CADPS: variants seen among roughly 807,000 people sequenced by gnomAD.
CADPS encodes the protein calcium-dependent secretion activator 1.
Under a neutral mutation model 167.3 loss-of-function variants are expected in CADPS, and 57 were observed. That is an observed-to-expected ratio of 0.34 (90% confidence interval 0.28 to 0.42). The LOEUF (loss-of-function observed/expected upper bound fraction) is 0.42, where lower values mean the gene tolerates loss of function less well. Ranked by LOEUF, CADPS falls within the 20% of genes least tolerant of loss-of-function variation. The probability of loss-of-function intolerance (pLI) is 1.00; values close to 1 mark genes in which losing one functional copy is unlikely to be tolerated. For missense variants in CADPS, 1,414 were observed against 1,738.1 expected, an observed-to-expected ratio of 0.81 and a Z score of 3.32; for synonymous variants, 676 against 635.3, an observed-to-expected ratio of 1.06 and a Z score of -0.96.
intron 6 of CADPS, among the ~76,000 whole-genome samples, chr3:62,600,533 A>G (rs1165147121): frequency 6.6e-6 from 1 of 152,186 alleles, no homozygotes; most frequent in Admixed American, 6.5e-5. Flanking sequence ...AGTGTAACTG[A>G]CTAATCTAAA....
chr3:62,632,414 A>G (rs1186674807), intron 6 of CADPS, among the ~76,000 whole-genome samples: 1 of 152,208 alleles, frequency 6.6e-6, no homozygotes, highest in East Asian at 1.9e-4. Context: ...TAGTTACCAA[A>G]TAAATATTAT....
At chr3:62,669,913 A>G (rs2075204981) in intron 3 of CADPS, among the ~76,000 whole-genome samples, 1 of 152,236 alleles carries the variant, frequency 6.6e-6, no homozygotes, top group Admixed American at 6.5e-5. Flanking sequence ...TTAAAGTAGT[A>G]TAGCAGATTT....
rs867402115 is a variant in CADPS, at chr3:62,812,262, A to T, written c.442-46278T>A. 4.6e-5 allele frequency among the ~76,000 whole-genome samples: 7 copies of T among 152,286 alleles called. No individual in the cohort carries two copies. The Middle Eastern group carries it at 0.02, about 444-fold the overall frequency. ...TTTCCTGCATGTGTACATTTTATAC[A>T]ATGTGCATAATTTTACTATATAATC... On this transcript the variant is annotated intron_variant, in intron 1 of 29. Coordinates refer to ENST00000383710, the MANE Select transcript of CADPS (RefSeq NM_003716.4).
intron 1 of CADPS, among the ~76,000 whole-genome samples, chr3:62,806,198 TG>T (rs2094084106): frequency 1.3e-5 from 2 of 152,180 alleles, no homozygotes; most frequent in Admixed American, 6.6e-5. Flanking sequence ...TCAAACTATT[TG>T]GGAGACAAAT....
At chr3:62,773,485 A>G (rs1490869615) in intron 1 of CADPS, among the ~76,000 whole-genome samples, 2 of 151,984 alleles carry the variant, frequency 1.3e-5, no homozygotes, top group African/African-American at 4.8e-5. Flanking sequence ...GAGAATTACG[A>G]TGAGGCTGTT....
chr3:62,559,460 C>T (rs190708972), intron 9 of CADPS, among the ~76,000 whole-genome samples: 2 of 151,808 alleles, frequency 1.3e-5, no homozygotes, highest in African/African-American at 2.4e-5. Flanking sequence ...CTCTGCATGA[C>T]AATGATCATA....
At chr3:62,576,629 G>GAA (rs11445858) in intron 8 of CADPS, among the ~76,000 whole-genome samples, 103,560 of 141,596 alleles carry the variant, frequency 0.73, 40,601 homozygotes, top group Non-Finnish European at 0.85. Flanking sequence ...CATTTCTACT[G>GAA]AAAAAAAAAA....
chr3:62,426,050 T>C (rs1001288048), intron 28 of CADPS, among the ~76,000 whole-genome samples: 1 of 152,234 alleles, frequency 6.6e-6, no homozygotes, highest in African/African-American at 2.4e-5. Context: ...GATCATTTCA[T>C]CACTGGTAAA....
intron 15 of CADPS, among the ~76,000 whole-genome samples, 160 bp downstream of exon 15, chr3:62,516,417 TATC>T (rs1052637906): frequency 6.6e-6 from 1 of 152,172 alleles, no homozygotes; most frequent in African/African-American, 2.4e-5. Flanking sequence ...GAAGATAAAA[TATC>T]AAGAGTTTTG....
chr3:62,437,856 TG>T (rs1456212777), intron 28 of CADPS, among the ~76,000 whole-genome samples: 1 of 152,122 alleles, frequency 6.6e-6, no homozygotes, highest in African/African-American at 2.4e-5. Context: ...GGAATGAGCC[TG>T]CTTGCCGAGA....
intron 3 of CADPS, among the ~76,000 whole-genome samples, chr3:62,735,883 C>T (rs888958740): frequency 2.6e-5 from 4 of 152,180 alleles, no homozygotes; most frequent in African/African-American, 7.2e-5. Context: ...GAACTACTAG[C>T]TCAGGCTTTT....
rs188302541 is a variant in CADPS, at chr3:62,420,622, C to A, written c.3778-17437G>T. Among the ~76,000 whole-genome samples the A allele has an allele frequency of 3.7e-4, 57 of 152,174 alleles. No homozygotes were observed. Among genetic ancestry groups the A allele is most frequent in the Middle Eastern group, 3.4e-3 (1 of 294 alleles). On this transcript the variant is annotated intron_variant, in intron 28 of 29. Coordinates refer to ENST00000383710, the MANE Select transcript of CADPS (RefSeq NM_003716.4). The surrounding 1 kb of genome is among the most constrained non-coding windows in gnomAD (Gnocchi z 4.1). ...AATATTTGGGTGTCCATAGCAACTG[C>A]CCAATTAAGGGAGTCTAGAAAACAG...
At chr3:62,755,198 C>A (rs2083575359) in intron 2 of CADPS, among the ~76,000 whole-genome samples, 1 of 152,154 alleles carries the variant, frequency 6.6e-6, no homozygotes, top group South Asian at 2.1e-4. Context: ...TCCTTCCCTG[C>A]AGGGTTCTCC....
chr3:62,797,737 TA>T (rs1349862526), intron 1 of CADPS, among the ~76,000 whole-genome samples: 2 of 151,906 alleles, frequency 1.3e-5, no homozygotes, highest in African/African-American at 4.8e-5. Context: ...ACCTAGGAGA[TA>T]AAATAATCTG....
At position 62,628,586 on chromosome 3, in the gene CADPS, A is replaced by G. The variant is rs543390517; in HGVS notation, c.1325+17136T>C. Among the ~76,000 whole-genome samples the G allele has an allele frequency of 5.3e-4, 78 of 147,934 alleles. No homozygotes were observed. The East Asian group carries it at 0.015, about 29-fold the overall frequency. Reference sequence around the variant, plus strand: ...CCCTACTGCTTCTACTCCTTTACACACACACACACACTCTCTCTCTCTCCA... The same window carrying G: ...CCCTACTGCTTCTACTCCTTTACACGCACACACACACTCTCTCTCTCTCCA... On this transcript the variant is annotated intron_variant, in intron 6 of 29. Coordinates refer to ENST00000383710, the MANE Select transcript of CADPS (RefSeq NM_003716.4).
At chr3:62,493,554 T>C in intron 19 of CADPS, 91 bp downstream of exon 19, 1 of 954,714 alleles carries the variant, frequency 1.0e-6, no homozygotes, top group South Asian at 1.5e-5. Flanking sequence ...TCTTCTGTGA[T>C]CTATTAGTTA....
chr3:62,580,371 A>G (rs1480355993), intron 8 of CADPS, among the ~76,000 whole-genome samples: 5 of 152,054 alleles, frequency 3.3e-5, no homozygotes, highest in East Asian at 3.9e-4. Context: ...TCACTCATAG[A>G]TCGGAATTGA....
At position 62,564,489 on chromosome 3, in the gene CADPS, A is replaced by G. The variant is rs549356442; in HGVS notation, c.1644+6383T>C. Among the ~76,000 whole-genome samples, 6 of 152,238 alleles carry G rather than the reference A, an allele frequency of 3.9e-5. No individual in the cohort carries two copies. In the East Asian group the frequency reaches 1.2e-3, roughly 29 times the overall value. On this transcript the variant is annotated intron_variant, in intron 9 of 29. Transcript: ENST00000383710. ...CTAAGAAACCATATAAATATAAGTG[A>G]TTGTCCACATTATTAGAGGAACCAC...
At chr3:62,652,628 C>T (rs1305436185) in intron 4 of CADPS, among the ~76,000 whole-genome samples, 2 of 151,098 alleles carry the variant, frequency 1.3e-5, no homozygotes, top group African/African-American at 4.9e-5. Flanking sequence ...CAGAATAAGA[C>T]ACTTAACAAA....
Sources: gnomAD v4.1 joint callset for allele counts (sites outside exome capture counted in the v4.1 genomes callset) on GRCh38, gnomAD v4.1.1 for gene constraint, Gnocchi (gnomAD v3.1) non-coding constraint, MANE v1.5 for transcripts, NCBI Gene and HGNC (gene_info 2026-07-23, HGNC 2026-07-21) for gene names.